The following RUFY1 variants were observed in gnomAD, a reference collection of about 807,000 sequenced individuals.
RUFY1 encodes the protein RUN and FYVE domain containing 1.
Under a neutral mutation model 94.6 loss-of-function variants are expected in RUFY1, and 54 were observed. The observed-to-expected ratio is 0.57, with a 90% CI of 0.46 to 0.72. The LOEUF (loss-of-function observed/expected upper bound fraction) is 0.72, where lower values mean the gene tolerates loss of function less well. Ranked by LOEUF, RUFY1 falls within the 30% of genes least tolerant of loss-of-function variation. The pLI is 0.00. For missense variants in RUFY1, 883 were observed against 883.9 expected (o/e 1.00, Z 0.01); for synonymous variants, 396 against 347.3 (o/e 1.14, Z -1.56).
At chr5:179,554,950 G>A (rs1268346496) in intron 1 of RUFY1, among the ~76,000 whole-genome samples, 2 of 151,484 alleles carry the variant, frequency 1.3e-5, no homozygotes, top group South Asian at 2.1e-4. Flanking sequence ...CCTGGGTGAC[G>A]AGCAAAATTC....
At position 179,586,745 on chromosome 5, in the gene RUFY1, T is replaced by C. The variant is rs935859688; in HGVS notation, c.1026+880T>C. Among the ~76,000 whole-genome samples, 3 of 152,136 alleles carry C rather than the reference T, an allele frequency of 2.0e-5. No individual in the cohort carries two copies. The East Asian group carries it at 5.8e-4, about 29-fold the overall frequency. ...GACGGTGTCACAGATGGGGGTGTCA[T>C]GGGAGAAGCTTCATGGAACTTAGGA... On this transcript the variant is annotated intron_variant, in intron 8 of 17. Transcript: ENST00000319449.
chr5:179,607,794 C>CCCCG, intron 17 of RUFY1, 135 bp downstream of exon 17: 1 of 721,472 alleles, frequency 1.4e-6, no homozygotes, highest in South Asian at 1.7e-5. Flanking sequence ...AGATGGGCAG[C>CCCCG]CCCGCCTCTC....
intron 5 of RUFY1, among the ~76,000 whole-genome samples, chr5:179,576,025 C>T (rs990976356): frequency 1.3e-5 from 2 of 152,180 alleles, no homozygotes; most frequent in East Asian, 3.8e-4. Flanking sequence ...AAGCCATCCA[C>T]CCTCCTGAGA....
chr5:179,552,462 T>G (rs931869502), intron 1 of RUFY1, among the ~76,000 whole-genome samples: 3 of 152,104 alleles, frequency 2.0e-5, no homozygotes, highest in Non-Finnish European at 4.4e-5. Context: ...AATTACTGAG[T>G]AAAGTTGAAA....
chr5:179,599,393 C>T (rs1445019109), intron 14 of RUFY1: 3 of 152,820 alleles, frequency 2.0e-5, no homozygotes, highest in Non-Finnish European at 4.4e-5. Flanking sequence ...ACATCTCCTA[C>T]CACATGCCAG....
intron 6 of RUFY1, among the ~76,000 whole-genome samples, chr5:179,580,127 G>A (rs1472422941): frequency 6.6e-6 from 1 of 151,958 alleles, no homozygotes; most frequent in Non-Finnish European, 1.5e-5. Flanking sequence ...TATTGAATGA[G>A]ACTATACTAT....
At chr5:179,602,116 C>A in intron 15 of RUFY1, 130 bp downstream of exon 15, 1 of 704,284 alleles carries the variant, frequency 1.4e-6, no homozygotes, top group Non-Finnish European at 2.5e-6. Context: ...CCGCCGTTCA[C>A]GGATGAGCTC....
Position 179,593,460 on chromosome 5 carries a change from T to A in RUFY1, c.1246-18T>A. 1 of 1,582,056 alleles carries A rather than the reference T, an allele frequency of 6.3e-7. No homozygotes were observed. The highest frequency in any genetic ancestry group is 8.7e-7 in the Non-Finnish European group (1 of 1,150,990). On this transcript the variant is annotated intron_variant, in intron 10 of 17. Transcript: ENST00000319449. ...TGATCTATTTTAATAACATTTTCCTTGTAAATATCCTTTTAAGGAACTGGA... is the reference window on the plus strand; with the variant it reads ...TGATCTATTTTAATAACATTTTCCTAGTAAATATCCTTTTAAGGAACTGGA...
At chr5:179,586,002 A>T (rs533963283) in intron 8 of RUFY1, 137 bp downstream of exon 8, 1 of 687,326 alleles carries the variant, frequency 1.5e-6, no homozygotes, top group East Asian at 2.6e-5. Flanking sequence ...CCCACGTGGG[A>T]CAGGAGAATG....
intron 1 of RUFY1, among the ~76,000 whole-genome samples, chr5:179,553,008 C>T (rs7718673): frequency 0.53 from 80,703 of 152,160 alleles, 22,224 homozygotes; most frequent in Non-Finnish European, 0.61. Context: ...TTTGATCACT[C>T]TGGTGGAAAG....
At chr5:179,582,978 C>T (rs1235256599) in intron 7 of RUFY1, among the ~76,000 whole-genome samples, 1 of 152,068 alleles carries the variant, frequency 6.6e-6, no homozygotes, top group East Asian at 1.9e-4. Flanking sequence ...GAACAGCTAG[C>T]TTCTAGATCA....
intron 17 of RUFY1, chr5:179,608,696 G>A: frequency 1.1e-6 from 1 of 915,970 alleles, no homozygotes; most frequent in Non-Finnish European, 1.3e-6. Flanking sequence ...GGGAGGCTGA[G>A]GTGGGTGGAT....
In RUFY1 at chr5:179,589,552, G is replaced by A; in HGVS notation, c.1033G>A (p.Ala345Thr). The A allele has an allele frequency of 6.2e-7, 1 of 1,613,370 alleles. No individual in the cohort carries two copies. Among genetic ancestry groups the A allele is most frequent in the Non-Finnish European group, 8.5e-7 (1 of 1,179,372 alleles). Residue 345 changes from alanine to threonine, a missense_variant, in exon 9 of 18, where the codon GCT becomes ACT. Coordinates refer to ENST00000319449, the MANE Select transcript of RUFY1 (RefSeq NM_025158.5). ...TNSKLQEELS[A>T]ATDRICSLQE... ...AAAAATTTTCCTTAATCAGCTTTCA[G>A]CTGCAACAGACCGAATTTGCTCACT...
At chr5:179,564,673 CAA>C (rs11318450) in intron 3 of RUFY1, among the ~76,000 whole-genome samples, 42 of 136,414 alleles carry the variant, frequency 3.1e-4, no homozygotes, top group African/African-American at 1.0e-3. Context: ...GACTCCATCT[CAA>C]AAAAAAAAAG....
In RUFY1 at chr5:179,555,621, C is replaced by CTTTTTT. The variant is rs10556244; in HGVS notation, c.311-4384_311-4379dup. The stretch of plus-strand genomic sequence containing the variant: ...TGTAACCCCCTAAGAAAACTCCCAA[C>CTTTTTT]TTTTTTTTTTTTTTTTTTTTTTTTT... On this transcript the variant is annotated intron_variant, in intron 1 of 17. Coordinates refer to ENST00000319449, the MANE Select transcript of RUFY1 (RefSeq NM_025158.5). 3.6e-4 allele frequency: 91 copies of CTTTTTT among 249,696 alleles called. 1 individual carries two copies. The highest frequency in any genetic ancestry group is 5.6e-4 in the African/African-American group (12 of 21,610). 15.5% of individuals were successfully genotyped at this position (249,696 alleles called of 1,614,324 possible).
intron 13 of RUFY1, among the ~76,000 whole-genome samples, chr5:179,597,299 G>A (rs577281546): frequency 4.6e-5 from 7 of 151,998 alleles, no homozygotes; most frequent in East Asian, 1.9e-4. Flanking sequence ...GCGGTGGCGC[G>A]ATCTCGGCTC....
chr5:179,607,877 T>G (rs1767276650), intron 17 of RUFY1, among the ~76,000 whole-genome samples: 1 of 152,244 alleles, frequency 6.6e-6, no homozygotes, highest in Non-Finnish European at 1.5e-5. Context: ...CATAGGCCCC[T>G]GGTCTCCAGC....
chr5:179,591,790 T>G (rs750536760), intron 10 of RUFY1, 49 bp downstream of exon 10: 3 of 1,074,916 alleles, frequency 2.8e-6, no homozygotes, highest in Admixed American at 2.2e-5. Context: ...CCCGTAGTGT[T>G]AATTCTGTCA....
intron 7 of RUFY1, among the ~76,000 whole-genome samples, chr5:179,582,278 G>A (rs1764223676): frequency 1.3e-5 from 2 of 152,060 alleles, no homozygotes; most frequent in Admixed American, 1.3e-4. Context: ...AGGCTGGAGT[G>A]CTGTGGTACA....
Sources: gnomAD v4.1 joint callset for allele counts (sites outside exome capture counted in the v4.1 genomes callset) on GRCh38, gnomAD v4.1.1 for gene constraint, MANE v1.5 for transcripts, NCBI Gene and HGNC (gene_info 2026-07-23, HGNC 2026-07-21) for gene names.